TAPBPL: variants seen among roughly 807,000 people sequenced by gnomAD.
The protein encoded by TAPBPL is tapasin-related protein.
Under a neutral mutation model 44.8 loss-of-function variants are expected in TAPBPL, and 32 were observed. That is an observed-to-expected ratio of 0.71 (90% CI 0.54 to 0.96). The LOEUF is 0.96. Ranked by LOEUF, TAPBPL falls within the 40% of genes least tolerant of loss-of-function variation. The probability of loss-of-function intolerance (pLI) is 0.00; values close to 1 mark genes in which losing one functional copy is unlikely to be tolerated. For missense variants in TAPBPL, 520 were observed against 586.6 expected (o/e 0.89, Z 1.17); for synonymous variants, 230 against 240.7 (o/e 0.96, Z 0.41).
rs759399207 is a variant in TAPBPL, at chr12:6,458,755, G to A, written c.1015G>A (p.Glu339Lys). The A allele has an allele frequency of 2.5e-6, 4 of 1,614,128 alleles. No homozygotes were observed. Among genetic ancestry groups the A allele is most frequent in the East Asian group, 2.2e-5 (1 of 44,882 alleles). The change falls in exon 5 of 7, where the codon GAG becomes AAG. Residue 339 changes from glutamate (E) to lysine (K), a missense_variant. Glu to Lys is a moderately conservative substitution (Grantham distance 56, BLOSUM62 1). Transcript: ENST00000266556. ...TGTGGTGGTGACGTGGACCCGAGAG[G>A]AGCTGGGTGGATCCCCAGCCCAAGT... ...LDVVVTWTRE[E>K]LGGSPAQVSG...
chr12:6,459,176 G>A (rs1186540181), intron 5 of TAPBPL, among the ~76,000 whole-genome samples: 1 of 152,204 alleles, frequency 6.6e-6, no homozygotes, highest in Non-Finnish European at 1.5e-5. Flanking sequence ...CAGGCAATGT[G>A]CTTAAGGCTG....
chr12:6,458,913 GC>G lies in TAPBPL; in HGVS notation c.1177del (p.Ala395ProfsTer27). ...AGGTCACACACATCTCTCTGGAGGA[GC>G]CCCTTGGGGCCAGCACCCAGGTTGT... ...CQVTHISLEE[P>X]LGASTQVVPP... On this transcript the variant is annotated frameshift_variant, in exon 5 of 7. Transcript: ENST00000266556. LOFTEE classifies it high-confidence loss of function. The G allele has an allele frequency of 6.2e-7, 1 of 1,614,026 alleles. No individual in the cohort carries two copies. Among genetic ancestry groups the G allele is most frequent in the Non-Finnish European group, 8.5e-7 (1 of 1,179,956 alleles).
downstream of TAPBPL, chr12:6,465,058 T>A (rs1949970855): frequency 1.3e-6 from 2 of 1,495,296 alleles, no homozygotes; most frequent in Middle Eastern, 1.8e-4. Context: ...AAACCACCCA[T>A]CACCCAGGAG....
intron 4 of TAPBPL, 36 bp downstream of exon 4, chr12:6,457,780 T>C (rs1399981417): frequency 8.6e-6 from 13 of 1,514,508 alleles, no homozygotes; most frequent in Non-Finnish European, 1.1e-5. Context: ...GGGAAGGGGA[T>C]ATAACATGTC....
intron 1 of TAPBPL, 111 bp downstream of exon 1, chr12:6,452,423 C>T: frequency 1.4e-6 from 2 of 1,466,252 alleles, no homozygotes; most frequent in Non-Finnish European, 1.8e-6. Flanking sequence ...GACCCCATCG[C>T]CTTCTAAGCC....
downstream of TAPBPL, chr12:6,470,618 G>C: frequency 1.9e-6 from 3 of 1,567,926 alleles, no homozygotes; most frequent in African/African-American, 2.7e-5. Flanking sequence ...GAAGTGGACG[G>C]AACTGCCAAG....
At chr12:6,470,656 T>C, downstream of TAPBPL, 2 of 1,290,218 alleles carry the variant, frequency 1.6e-6, no homozygotes, top group South Asian at 1.2e-5. Flanking sequence ...TACCCCGCGG[T>C]CTAGCTGCGC....
Position 6,462,080 on chromosome 12 carries a change from T to C in TAPBPL, c.1338T>C (p.Thr446=). Residue 446 remains threonine (T), a synonymous_variant, in exon 7 of 7, where the codon ACT becomes ACC. Transcript: ENST00000266556. ...GLLQAERWET[T]SCADTQSSHL... ...TTCAGGCTGAACGCTGGGAGACCAC[T>C]TCCTGTGCTGACACACAGAGCTCCC... 3 of 1,613,880 alleles carry C rather than the reference T, an allele frequency of 1.9e-6. No homozygotes were observed. The highest frequency in any genetic ancestry group is 2.5e-6 in the Non-Finnish European group (3 of 1,179,752).
rs552425741 is a variant in TAPBPL, at chr12:6,460,932, C to T, written c.1285C>T (p.Arg429Trp). 43 of 1,614,066 alleles carry T rather than the reference C, an allele frequency of 2.7e-5. No homozygotes were observed. Among genetic ancestry groups the T allele is most frequent in the Admixed American group, 1.2e-4 (7 of 60,018 alleles). The change falls in exon 6 of 7, where the codon CGG (arginine) becomes TGG (tryptophan). Residue 429 changes from arginine (R) to tryptophan (W), a missense_variant. Physicochemically the swap from Arg to Trp is moderately radical, Grantham distance 101. Transcript: ENST00000266556. ...LALMFLGLQRRQAPTGLGLLQ... is the reference protein window; with the variant it reads ...LALMFLGLQRWQAPTGLGLLQ... ...ACTGATGTTCCTGGGGCTTCAGAGA[C>T]GGCAAGGTAAGAGCCTGGGTGCCCT...
chr12:6,456,572 C>T (rs1422195699), intron 3 of TAPBPL, among the ~76,000 whole-genome samples: 1 of 152,100 alleles, frequency 6.6e-6, no homozygotes, highest in African/African-American at 2.4e-5. Flanking sequence ...CCATGTTGGT[C>T]AGGCTGGTCT....
chr12:6,461,960 G>C, intron 6 of TAPBPL, 74 bp from the exon 7 acceptor site: 1 of 1,233,994 alleles, frequency 8.1e-7, no homozygotes, highest in Non-Finnish European at 1.2e-6. Context: ...GATGGAAGAG[G>C]CCTGAGGGAA....
At chr12:6,465,432 GTAT>G (rs1949994644), downstream of TAPBPL, 1 of 117,896 alleles carries the variant, frequency 8.5e-6, no homozygotes, top group Non-Finnish European at 1.6e-5. Context: ...ATATATAAAT[GTAT>G]ATATATGTAT....
At chr12:6,470,337 T>C (rs1370698702), downstream of TAPBPL, among the ~76,000 whole-genome samples, 4 of 151,470 alleles carry the variant, frequency 2.6e-5, no homozygotes. Flanking sequence ...CGTGGGGTGC[T>C]AGCTGTGGCT....
At chr12:6,466,114 C>T, downstream of TAPBPL, 2 of 1,611,334 alleles carry the variant, frequency 1.2e-6, no homozygotes, top group Middle Eastern at 1.7e-4. Context: ...TGCTTTGCCT[C>T]TCAGGGCCTT....
chr12:6,459,919 C>T (rs1444443657), intron 5 of TAPBPL, among the ~76,000 whole-genome samples: 8 of 152,010 alleles, frequency 5.3e-5, no homozygotes, highest in Admixed American at 2.0e-4. Flanking sequence ...TACAGGCGCG[C>T]ACCACCACGC....
chr12:6,468,539 G>C (rs1565528653), downstream of TAPBPL, among the ~76,000 whole-genome samples: 1 of 152,236 alleles, frequency 6.6e-6, no homozygotes. Flanking sequence ...AAAAATGCTA[G>C]AAATTGTCCT....
chr12:6,463,394 C>G, downstream of TAPBPL: 1 of 1,072,570 alleles, frequency 9.3e-7, no homozygotes, highest in South Asian at 2.8e-5. The surrounding 1 kb of genome is among the most constrained non-coding windows in gnomAD (Gnocchi z 4.0). Flanking sequence ...CAGGAAGAAC[C>G]ACTTGCCTCA....
downstream of TAPBPL, among the ~76,000 whole-genome samples, chr12:6,467,396 T>C (rs2137011013): frequency 6.6e-6 from 1 of 152,232 alleles, no homozygotes; most frequent in East Asian, 1.9e-4. Context: ...CAGGCTGAGG[T>C]GGTCTCAGAT....
rs1949764862 is a variant in TAPBPL, at chr12:6,458,653, A to AGTGGG, written c.913_914insGTGGG (p.Lys305SerfsTer6). 1 of 1,612,818 alleles carries AGTGGG rather than the reference A, an allele frequency of 6.2e-7. No individual in the cohort carries two copies. On this transcript the variant is annotated frameshift_variant, in exon 5 of 7. Coordinates refer to ENST00000266556, the MANE Select transcript of TAPBPL (RefSeq NM_018009.5). LOFTEE classifies it high-confidence loss of function. ...CCTCATTCTTTCTCCAGCTTCCCCT[A>AGTGGG]AAGTACGACTGAGCTTGGCAAACGA...
Sources: gnomAD v4.1 joint callset for allele counts (sites outside exome capture counted in the v4.1 genomes callset) on GRCh38, gnomAD v4.1.1 for gene constraint, Gnocchi (gnomAD v3.1) non-coding constraint, MANE v1.5 for transcripts, NCBI Gene and HGNC (gene_info 2026-07-23, HGNC 2026-07-21) for gene names.